Variants in SLC2A13 observed in about 807,000 individuals in gnomAD.
SLC2A13 encodes the protein proton myo-inositol cotransporter.
A neutral mutation model predicts 64.4 loss-of-function variants in SLC2A13; 32 were observed. The observed-to-expected ratio is 0.50, with a 90% confidence interval of 0.37 to 0.67. The LOEUF (loss-of-function observed/expected upper bound fraction) is 0.67, where lower values mean the gene tolerates loss of function less well. Ranked by LOEUF, SLC2A13 falls within the 30% of genes least tolerant of loss-of-function variation. The pLI is 0.00. For missense variants in SLC2A13, 743 were observed against 829.2 expected (o/e 0.90, Z 1.28); for synonymous variants, 338 against 327.1 (o/e 1.03, Z -0.36).
intron 4 of SLC2A13, among the ~76,000 whole-genome samples, chr12:39,936,200 C>T (rs1191408806): frequency 2.6e-5 from 4 of 152,176 alleles, no homozygotes; most frequent in African/African-American, 9.7e-5. Context: ...CATCCCTCTA[C>T]AGTGTTGTCA....
At chr12:39,984,081 A>C (rs998152417) in intron 3 of SLC2A13, among the ~76,000 whole-genome samples, 1 of 152,146 alleles carries the variant, frequency 6.6e-6, no homozygotes, top group East Asian at 1.9e-4. Flanking sequence ...TCGCAAGAAG[A>C]AAAAACCAAA....
At chr12:39,898,634 G>C (rs1944992756) in intron 4 of SLC2A13, among the ~76,000 whole-genome samples, 1 of 152,084 alleles carries the variant, frequency 6.6e-6, no homozygotes, top group Non-Finnish European at 1.5e-5. Context: ...AAGTTAGCCT[G>C]ATACTCACAC....
chr12:39,989,730 A>G (rs1947099495), intron 3 of SLC2A13, among the ~76,000 whole-genome samples: 1 of 152,194 alleles, frequency 6.6e-6, no homozygotes, highest in Admixed American at 6.5e-5. Context: ...CTTGCATAAG[A>G]ATACACTGTA....
intron 3 of SLC2A13, among the ~76,000 whole-genome samples, chr12:39,969,716 A>G (rs928283725): frequency 3.9e-5 from 6 of 152,194 alleles, no homozygotes; most frequent in African/African-American, 7.2e-5. Context: ...TGTCAGATGA[A>G]TAGATTGCAA....
At chr12:39,896,297 T>C (rs1273458074) in intron 4 of SLC2A13, among the ~76,000 whole-genome samples, 3 of 143,668 alleles carry the variant, frequency 2.1e-5, no homozygotes. Context: ...TATATGTGTG[T>C]ATATATGTAT....
At chr12:39,875,056 C>G (rs1944147806) in intron 4 of SLC2A13, among the ~76,000 whole-genome samples, 1 of 152,188 alleles carries the variant, frequency 6.6e-6, no homozygotes, top group Non-Finnish European at 1.5e-5. Context: ...TTCTCTAACC[C>G]TGGTAAATAT....
intron 3 of SLC2A13, among the ~76,000 whole-genome samples, chr12:39,976,732 T>C (rs186479320): frequency 6.6e-5 from 10 of 152,174 alleles, no homozygotes; most frequent in African/African-American, 2.2e-4. Flanking sequence ...TATGTCATTT[T>C]TGTGTGTGTG....
intron 4 of SLC2A13, among the ~76,000 whole-genome samples, chr12:39,926,239 T>G (rs1268016814): frequency 1.3e-5 from 2 of 152,108 alleles, no homozygotes; most frequent in Admixed American, 6.6e-5. Flanking sequence ...TTATAATATC[T>G]TATAAAAGGG....
At chr12:39,784,332 A>G (rs1941107596) in intron 7 of SLC2A13, among the ~76,000 whole-genome samples, 2 of 152,260 alleles carry the variant, frequency 1.3e-5, no homozygotes, top group Admixed American at 1.3e-4. Context: ...CTACACTAGA[A>G]GGCTACAGTA....
chr12:39,976,079 CTT>C (rs1468016979), intron 3 of SLC2A13, among the ~76,000 whole-genome samples: 2 of 152,204 alleles, frequency 1.3e-5, no homozygotes, highest in African/African-American at 4.8e-5. Flanking sequence ...AGGAGTTCAT[CTT>C]TTTGTCTTCT....
At chr12:39,873,777 GA>G (rs889160225) in intron 4 of SLC2A13, among the ~76,000 whole-genome samples, 6 of 152,108 alleles carry the variant, frequency 3.9e-5, no homozygotes, top group African/African-American at 7.2e-5. Context: ...TATTTAAAAT[GA>G]AAAAAAGTTC....
intron 3 of SLC2A13, among the ~76,000 whole-genome samples, chr12:39,996,479 TC>T (rs1473446863): frequency 1.3e-5 from 2 of 152,304 alleles, no homozygotes; most frequent in Non-Finnish European, 2.9e-5. Context: ...CAAATGTTAA[TC>T]CCCAAGACAA....
At chr12:40,083,344 C>A (rs1198213640) in intron 1 of SLC2A13, among the ~76,000 whole-genome samples, 1 of 152,174 alleles carries the variant, frequency 6.6e-6, no homozygotes, top group Non-Finnish European at 1.5e-5. Context: ...CCAGGATTTT[C>A]TCTTAGAACT....
chr12:39,985,782 T>A (rs1261164560), intron 3 of SLC2A13, among the ~76,000 whole-genome samples: 13 of 152,140 alleles, frequency 8.5e-5, no homozygotes, highest in Non-Finnish European at 1.9e-4. Context: ...AAACCTTTTC[T>A]GTTCTCTGCA....
intron 7 of SLC2A13, among the ~76,000 whole-genome samples, chr12:39,781,589 T>G (rs971325550): frequency 2.0e-5 from 3 of 152,258 alleles, no homozygotes; most frequent in African/African-American, 7.2e-5. Context: ...CAAAGCGATT[T>G]TATGTAAGGA....
intron 4 of SLC2A13, among the ~76,000 whole-genome samples, chr12:39,914,588 T>G (rs1045226636): frequency 6.6e-6 from 1 of 151,906 alleles, no homozygotes; most frequent in African/African-American, 2.4e-5. Context: ...ACCCATATAT[T>G]AGGTTGGTGC....
intron 2 of SLC2A13, among the ~76,000 whole-genome samples, chr12:40,039,068 GCTAA>G (rs1472329369): frequency 6.6e-6 from 1 of 152,106 alleles, no homozygotes; most frequent in Non-Finnish European, 1.5e-5. Flanking sequence ...CACACTGCTG[GCTAA>G]CTGCCAGCTG....
At chr12:39,790,459 A>G (rs1347765537) in intron 7 of SLC2A13, among the ~76,000 whole-genome samples, 2 of 148,728 alleles carry the variant, frequency 1.3e-5, no homozygotes, top group Non-Finnish European at 3.0e-5. Context: ...TATGAGTGAG[A>G]ATATGCGGTG....
chr12:40,033,599 T>A (rs1947935940), intron 2 of SLC2A13, among the ~76,000 whole-genome samples: 1 of 152,232 alleles, frequency 6.6e-6, no homozygotes, highest in African/African-American at 2.4e-5. Context: ...AGAGCATTAC[T>A]GTTAAAATAG....
Sources: gnomAD v4.1 joint callset for allele counts (sites outside exome capture counted in the v4.1 genomes callset) on GRCh38, gnomAD v4.1.1 for gene constraint, MANE v1.5 for transcripts, NCBI Gene and HGNC (gene_info 2026-07-23, HGNC 2026-07-21) for gene names.